DBF4B: variants seen among roughly 807,000 people sequenced by gnomAD.
DBF4B encodes DBF4B-CDC7 kinase regulatory subunit, also known as protein DBF4 homolog B.
DBF4B carries 49 observed loss-of-function variants against 53.4 expected under a neutral mutation model. The observed-to-expected ratio is 0.92, with a 90% CI of 0.73 to 1.16. The LOEUF (loss-of-function observed/expected upper bound fraction) is 1.16, where lower values mean the gene tolerates loss of function less well. DBF4B is among the 50% of genes most tolerant of loss of function. DBF4B has a pLI of 0.00. For missense variants in DBF4B, 692 were observed against 775.0 expected, an observed-to-expected ratio of 0.89 and a Z score of 1.27; for synonymous variants, 257 against 288.7, an observed-to-expected ratio of 0.89 and a Z score of 1.11.
chr17:44,749,683 G>A lies in DBF4B; in HGVS notation c.1190-912G>A. ...GGCTGGCCGCCCACGCCAGGAGGCA[G>A]AGGCGAAGTTGGCATGGGGAGGGAC... On this transcript the variant is annotated intron_variant, in intron 13 of 13. Coordinates refer to ENST00000315005, the MANE Select transcript of DBF4B (RefSeq NM_145663.3). This position sits in a 1 kb window ranked among gnomAD's most constrained non-coding sequence, Gnocchi z 4.4. 8.6e-7 allele frequency: 1 copy of A among 1,166,328 alleles called. No individual in the cohort carries two copies. 72.2% of individuals were successfully genotyped at this position (1,166,328 alleles called of 1,614,324 possible). A position where few individuals can be genotyped will look rare whatever the true frequency, so the allele number is the denominator to read the frequency against.
intron 2 of DBF4B, among the ~76,000 whole-genome samples, chr17:44,721,321 C>T (rs1490617763): frequency 6.7e-6 from 1 of 149,558 alleles, no homozygotes; most frequent in East Asian, 2.0e-4. Context: ...CAGGATCATG[C>T]AATTCTTGTG....
At chr17:44,750,356 G>A in intron 13 of DBF4B, 4 of 1,337,546 alleles carry the variant, frequency 3.0e-6, no homozygotes, top group South Asian at 2.2e-5. Flanking sequence ...GAAGCCTGAT[G>A]CTATTCTGTG....
intron 3 of DBF4B, among the ~76,000 whole-genome samples, 179 bp from the exon 4 acceptor site, chr17:44,729,723 CACA>C (rs1568177375): frequency 7.6e-5 from 11 of 145,516 alleles, no homozygotes; most frequent in South Asian, 2.3e-4. Context: ...CACACACACA[CACA>C]CCCCATTAGA....
intron 10 of DBF4B, among the ~76,000 whole-genome samples, chr17:44,744,410 CAAA>C (rs58723234): frequency 8.1e-6 from 1 of 123,150 alleles, no homozygotes. Context: ...GACCCTGTCT[CAAA>C]AAAAAAAAAA....
intron 2 of DBF4B, among the ~76,000 whole-genome samples, chr17:44,721,373 C>T (rs750368728): frequency 3.3e-5 from 5 of 151,830 alleles, no homozygotes; most frequent in Non-Finnish European, 5.9e-5. Context: ...TGTGTACCAC[C>T]ATGCCCAGCT....
At chr17:44,709,432 G>T (rs1345862344) in intron 2 of DBF4B, 66 bp downstream of exon 2, 1 of 1,534,954 alleles carries the variant, frequency 6.5e-7, no homozygotes, top group African/African-American at 1.4e-5. Flanking sequence ...GGAGAAGACC[G>T]AAAAATGTTC....
At position 44,731,888 on chromosome 17, in the gene DBF4B, C is replaced by T. The variant is rs77297844; in HGVS notation, c.469-290C>T. 9.5e-4 allele frequency: 313 copies of T among 330,020 alleles called. 5 individuals are homozygous for T. In the East Asian group the frequency reaches 0.016, roughly 17 times the overall value. 20.4% of individuals were successfully genotyped at this position (330,020 alleles called of 1,614,324 possible). ...GCTTTCCTCGCAGAGGCCCTCCCAA[C>T]GAACAGCTCTCTCAGAAGCATCTGT... On this transcript the variant is annotated intron_variant, in intron 5 of 13. Coordinates refer to ENST00000315005, the MANE Select transcript of DBF4B (RefSeq NM_145663.3).
intron 2 of DBF4B, among the ~76,000 whole-genome samples, chr17:44,721,196 C>T (rs149300657): frequency 6.7e-6 from 1 of 150,210 alleles, no homozygotes; most frequent in African/African-American, 2.5e-5. Context: ...TTTTCATGTC[C>T]ATTATCTCCA....
chr17:44,748,828 C>G (rs906702860), intron 13 of DBF4B: 218 of 1,293,840 alleles, frequency 1.7e-4, no homozygotes, highest in Non-Finnish European at 2.1e-4. Flanking sequence ...CAAGCGTCTT[C>G]CCTCTCTTCC....
At chr17:44,727,864 A>ATT (rs756222247) in intron 3 of DBF4B, among the ~76,000 whole-genome samples, 95 of 106,710 alleles carry the variant, frequency 8.9e-4, no homozygotes, top group African/African-American at 2.0e-3. Context: ...TGCCCGGGTA[A>ATT]TTTTTTTTTT....
At chr17:44,748,614 C>CA in intron 13 of DBF4B, 149 bp downstream of exon 13, 1 of 1,521,124 alleles carries the variant, frequency 6.6e-7, no homozygotes, top group Non-Finnish European at 8.8e-7. Flanking sequence ...TACCAGTGTC[C>CA]AGGAGCCCTG....
Position 44,731,022 on chromosome 17 carries a change from TG to T in DBF4B, c.468+11del. The T allele has an allele frequency of 6.2e-7, 1 of 1,614,006 alleles. No homozygotes were observed. The highest frequency in any genetic ancestry group is 1.7e-5 in the Admixed American group (1 of 60,020). On this transcript the variant is annotated splice_region_variant and intron_variant, in intron 5 of 13. Transcript: ENST00000315005. ...GAAGGCTATCAGAAACCAGGTGAGC[TG>T]GGGCAAGATGGGACAGAGCCGGTGG...
In DBF4B at chr17:44,749,235, C is replaced by A; in HGVS notation, c.1189+770C>A. 1 of 1,290,502 alleles carries A rather than the reference C, an allele frequency of 7.7e-7. No homozygotes were observed. The highest frequency in any genetic ancestry group is 1.2e-5 in the South Asian group (1 of 81,708). The allele number at this position is 1,290,502 out of a possible 1,614,324, so 79.9% of individuals were successfully genotyped here. A position where few individuals can be genotyped will look rare whatever the true frequency, so the allele number is the denominator to read the frequency against. ...GGGCCCCCCAGCCTCTCCAGGTGCC[C>A]TGTCTCCCTGTCTCCCAGCCCTGGT... On this transcript the variant is annotated intron_variant, in intron 13 of 13. Coordinates refer to ENST00000315005, the MANE Select transcript of DBF4B (RefSeq NM_145663.3). The surrounding 1 kb of genome is among the most constrained non-coding windows in gnomAD (Gnocchi z 4.4).
intron 12 of DBF4B, among the ~76,000 whole-genome samples, 161 bp downstream of exon 12, chr17:44,747,676 G>T (rs972967837): frequency 1.3e-5 from 2 of 151,936 alleles, no homozygotes; most frequent in African/African-American, 4.8e-5. Flanking sequence ...TTGTTTTGGG[G>T]CTGGCCAAAA....
At chr17:44,717,871 C>A (rs1158009047) in intron 2 of DBF4B, among the ~76,000 whole-genome samples, 1 of 151,316 alleles carries the variant, frequency 6.6e-6, no homozygotes, top group Admixed American at 6.6e-5. Flanking sequence ...AAAAAATTCG[C>A]CAGGTATGGT....
At chr17:44,731,276 C>A (rs146134107) in intron 5 of DBF4B, 37 of 428,200 alleles carry the variant, frequency 8.6e-5, no homozygotes, top group Non-Finnish European at 8.8e-6. Flanking sequence ...TGGGATGTGG[C>A]GGGACAGGGT....
At chr17:44,719,891 G>T in intron 2 of DBF4B, 1 of 214,318 alleles carries the variant, frequency 4.7e-6, no homozygotes. Context: ...TAAGTCTTGC[G>T]CTGCTCTGTA....
At chr17:44,750,018 C>T in intron 13 of DBF4B, 2 of 1,001,326 alleles carry the variant, frequency 2.0e-6, no homozygotes. Flanking sequence ...TCCCCTGAGC[C>T]CAGGATGTGG....
intron 2 of DBF4B, among the ~76,000 whole-genome samples, chr17:44,711,126 C>T (rs1033513560): frequency 6.6e-6 from 1 of 151,442 alleles, no homozygotes; most frequent in Non-Finnish European, 1.5e-5. Context: ...GCTGGGATTA[C>T]AGGAGCACGC....
Sources: gnomAD v4.1 joint callset for allele counts (sites outside exome capture counted in the v4.1 genomes callset) on GRCh38, gnomAD v4.1.1 for gene constraint, Gnocchi (gnomAD v3.1) non-coding constraint, MANE v1.5 for transcripts, NCBI Gene and HGNC (gene_info 2026-07-23, HGNC 2026-07-21) for gene names.